Variants in TEC observed in about 807,000 individuals in gnomAD.
TEC encodes tyrosine-protein kinase Tec.
A neutral mutation model predicts 93.0 loss-of-function variants in TEC; 72 were observed. That is an observed-to-expected ratio of 0.77 (90% CI 0.64 to 0.94). The LOEUF (loss-of-function observed/expected upper bound fraction) is 0.94, where lower values mean the gene tolerates loss of function less well. Among genes scored for constraint, TEC ranks in the 40% least tolerant of loss-of-function variants. The probability of loss-of-function intolerance (pLI) is 0.00; values close to 1 mark genes in which losing one functional copy is unlikely to be tolerated. For missense variants in TEC, 630 were observed against 757.9 expected, an observed-to-expected ratio of 0.83 and a Z score of 1.98; for synonymous variants, 249 against 247.7, an observed-to-expected ratio of 1.01 and a Z score of -0.05.
chr4:48,251,776 A>G (rs367961518), intron 1 of TEC, among the ~76,000 whole-genome samples: 2 of 152,242 alleles, frequency 1.3e-5, no homozygotes, highest in African/African-American at 4.8e-5. Context: ...TGTAAATGAC[A>G]AGATCAAAAC....
chr4:48,256,595 A>C lies in TEC; in HGVS notation c.-46+13157T>G, dbSNP rs1217604021. ...GGGCAACAGAGCGAGACCTTGTCTC[A>C]AAAAAAAAAAAAAAAAAAAAAAAGT... is the stretch of plus-strand genomic sequence containing the variant. On this transcript the variant is annotated intron_variant, in intron 1 of 17. Transcript: ENST00000381501. 2.3e-3 allele frequency among the ~76,000 whole-genome samples: 10 copies of C among 4,302 alleles called. No homozygotes were observed. In the East Asian group the frequency reaches 0.098, roughly 42 times the overall value. 2.8% of individuals were successfully genotyped at this position (4,302 alleles called of 152,430 possible).
At chr4:48,254,416 C>T (rs2109672814) in intron 1 of TEC, among the ~76,000 whole-genome samples, 1 of 152,298 alleles carries the variant, frequency 6.6e-6, no homozygotes, top group South Asian at 2.1e-4. Context: ...AATGCTGTTA[C>T]TCTGTGAGGA....
chr4:48,177,454 C>T (rs1453298562), intron 2 of TEC, among the ~76,000 whole-genome samples: 3 of 152,146 alleles, frequency 2.0e-5, no homozygotes, highest in Non-Finnish European at 4.4e-5. Context: ...TGTTCTGAAA[C>T]CCCAGCTCTA....
chr4:48,153,850 G>A (rs1482738856), intron 9 of TEC, among the ~76,000 whole-genome samples: 1 of 152,176 alleles, frequency 6.6e-6, no homozygotes, highest in Non-Finnish European at 1.5e-5. Context: ...CAAGGGAATT[G>A]TAGCCTTATG....
At chr4:48,202,044 C>T (rs1304893256) in intron 2 of TEC, among the ~76,000 whole-genome samples, 4 of 148,750 alleles carry the variant, frequency 2.7e-5, no homozygotes, top group Non-Finnish European at 5.9e-5. Context: ...GCAAGCTCTG[C>T]CTCCCGGGTT....
At chr4:48,266,852 A>C (rs1030560099) in intron 1 of TEC, among the ~76,000 whole-genome samples, 39 of 145,654 alleles carry the variant, frequency 2.7e-4, no homozygotes, top group Non-Finnish European at 4.9e-4. Flanking sequence ...AAAAAAAAAA[A>C]CGAAAAAAAA....
At chr4:48,210,478 G>A (rs1269244679) in intron 2 of TEC, among the ~76,000 whole-genome samples, 1 of 143,038 alleles carries the variant, frequency 7.0e-6, no homozygotes, top group East Asian at 2.1e-4. Flanking sequence ...GAATGAGACT[G>A]CCTCTTTATA....
intron 2 of TEC, among the ~76,000 whole-genome samples, chr4:48,216,925 T>C (rs1379592146): frequency 2.0e-5 from 3 of 152,220 alleles, no homozygotes; most frequent in Non-Finnish European, 4.4e-5. Flanking sequence ...ATCTAGAATA[T>C]GTCTATTGTT....
chr4:48,171,794 C>A (rs1243184568), intron 3 of TEC, among the ~76,000 whole-genome samples: 1 of 152,206 alleles, frequency 6.6e-6, no homozygotes, highest in African/African-American at 2.4e-5. Context: ...TGGACTACTC[C>A]TTCAGCATCA....
intron 6 of TEC, among the ~76,000 whole-genome samples, chr4:48,168,377 A>T (rs1434255066): frequency 6.6e-6 from 1 of 152,232 alleles, no homozygotes; most frequent in Non-Finnish European, 1.5e-5. Context: ...CTCCAATGAT[A>T]AAATCTCATA....
intron 8 of TEC, among the ~76,000 whole-genome samples, chr4:48,162,881 G>A (rs762436039): frequency 2.0e-5 from 3 of 152,062 alleles, no homozygotes; most frequent in African/African-American, 4.8e-5. Context: ...ACTGCTAGTG[G>A]GTATATAAAT....
At chr4:48,223,688 C>G (rs1189464236) in intron 2 of TEC, among the ~76,000 whole-genome samples, 1 of 152,176 alleles carries the variant, frequency 6.6e-6, no homozygotes, top group Non-Finnish European at 1.5e-5. Context: ...GCTGCTGTCC[C>G]AAGAAAGGCC....
At chr4:48,181,285 C>G (rs1437408399) in intron 2 of TEC, among the ~76,000 whole-genome samples, 1 of 152,136 alleles carries the variant, frequency 6.6e-6, no homozygotes, top group Non-Finnish European at 1.5e-5. Flanking sequence ...AAAGACAATT[C>G]TGCTTTTCAC....
rs1719396942 is a variant in TEC, at chr4:48,136,005, C to G, written c.*1411G>C. 1 of 152,246 alleles carries G rather than the reference C, an allele frequency of 6.6e-6. No homozygotes were observed. The highest frequency in any genetic ancestry group is 2.4e-5 in the African/African-American group (1 of 41,462). 9.4% of individuals were successfully genotyped at this position (152,246 alleles called of 1,614,324 possible). On this transcript the variant is annotated 3_prime_UTR_variant, in exon 18 of 18. Transcript: ENST00000381501. ...ACCATCGTGGCCTGCAGAGGAGACG[C>G]AACTCCTGAAGGGAAGGCGCTGTGT...
chr4:48,229,976 G>C (rs1723597857), intron 1 of TEC, among the ~76,000 whole-genome samples: 1 of 151,984 alleles, frequency 6.6e-6, no homozygotes, highest in South Asian at 2.1e-4. Flanking sequence ...TCGGGAGGCT[G>C]AGGCAGGAGA....
At chr4:48,240,791 A>G (rs1396768907) in intron 1 of TEC, among the ~76,000 whole-genome samples, 1 of 151,856 alleles carries the variant, frequency 6.6e-6, no homozygotes, top group Non-Finnish European at 1.5e-5. Flanking sequence ...CATTAGAAAG[A>G]TTACCAAAGG....
At chr4:48,150,521 T>C (rs1720113859) in intron 10 of TEC, among the ~76,000 whole-genome samples, 1 of 152,144 alleles carries the variant, frequency 6.6e-6, no homozygotes, top group Non-Finnish European at 1.5e-5. Flanking sequence ...TCACTCTCTG[T>C]TACTGGGCTG....
chr4:48,245,088 A>G (rs2704391), intron 1 of TEC, among the ~76,000 whole-genome samples: 35,774 of 152,008 alleles, frequency 0.24, 4,696 homozygotes, highest in African/African-American at 0.36. Context: ...AGGTGAGGAT[A>G]TTCAGACCAT....
At chr4:48,166,353 T>C (rs1278689886) in intron 7 of TEC, among the ~76,000 whole-genome samples, 3 of 152,220 alleles carry the variant, frequency 2.0e-5, no homozygotes, top group Admixed American at 6.5e-5. Context: ...AGTTGGAGGA[T>C]AAAGTTTGCT....
Sources: gnomAD v4.1 joint callset for allele counts (sites outside exome capture counted in the v4.1 genomes callset) on GRCh38, gnomAD v4.1.1 for gene constraint, MANE v1.5 for transcripts, NCBI Gene and HGNC (gene_info 2026-07-23, HGNC 2026-07-21) for gene names.